RPH3AL: variants seen among roughly 807,000 people sequenced by gnomAD.
RPH3AL encodes the protein rabphilin 3A like (without C2 domains), also known as rab effector Noc2.
In RPH3AL, 38 loss-of-function variants were observed where a neutral mutation model predicts 43.1. That is an observed-to-expected ratio of 0.88 (90% CI 0.68 to 1.15). The LOEUF is 1.15. Ranked by LOEUF, RPH3AL falls within the 50% of genes most tolerant of loss-of-function variation. The pLI, the probability that RPH3AL is intolerant of heterozygous loss-of-function variation, is 0.00. For missense variants in RPH3AL, 462 were observed against 423.2 expected, an observed-to-expected ratio of 1.09 and a Z score of -0.81; for synonymous variants, 189 against 176.3, an observed-to-expected ratio of 1.07 and a Z score of -0.57.
At chr17:314,023 G>C (rs1049766452) in intron 5 of RPH3AL, among the ~76,000 whole-genome samples, 49 of 152,274 alleles carry the variant, frequency 3.2e-4, no homozygotes, top group African/African-American at 1.2e-3. Context: ...GAAACGCCCG[G>C]ACCAGCCCAC....
rs1295622018 is a variant in RPH3AL, at chr17:323,991, A to G, written c.78-2576T>C. ...CAGTCATCCCACAAGGCAGGCCTAG[A>G]CCCTCAGTCACCCTGCAAGGCAGGC... On this transcript the variant is annotated intron_variant, in intron 3 of 9. Coordinates refer to ENST00000331302, the MANE Select transcript of RPH3AL (RefSeq NM_006987.4). The surrounding 1 kb of genome is among the most constrained non-coding windows in gnomAD (Gnocchi z 4.4). Among the ~76,000 whole-genome samples the G allele has an allele frequency of 2.7e-5, 4 of 148,448 alleles. No homozygotes were observed. The highest frequency in any genetic ancestry group is 4.5e-5 in the Non-Finnish European group (3 of 67,410).
In RPH3AL at chr17:215,752, G is replaced by A. The variant is rs2040783690; in HGVS notation, c.778C>T (p.Leu260Phe). The change falls in exon 9 of 10, where the codon CTC becomes TTC. Residue 260 changes from leucine to phenylalanine, a missense_variant. Leu to Phe is a conservative substitution (Grantham distance 22, BLOSUM62 0). Coordinates refer to ENST00000331302, the MANE Select transcript of RPH3AL (RefSeq NM_006987.4). This position sits in a 1 kb window ranked among gnomAD's most constrained non-coding sequence, Gnocchi z 4.1. The stretch of plus-strand genomic sequence containing the variant: ...GCCAGGCTGCTCTGGCACCCAGAGA[G>A]GTGGCCCGGCGGGTGGGTGAACCCC... ...RMGFTHPPGH[L>F]SGCQSSLASG... 1.1e-5 allele frequency: 15 copies of A among 1,308,008 alleles called. No individual in the cohort carries two copies. Among genetic ancestry groups the A allele is most frequent in the Admixed American group, 4.0e-5 (1 of 24,882 alleles). The allele number at this position is 1,308,008 out of a possible 1,614,324, so 81.0% of individuals were successfully genotyped here.
chr17:269,013 G>A (rs1462907297), intron 6 of RPH3AL, among the ~76,000 whole-genome samples: 3 of 152,106 alleles, frequency 2.0e-5, no homozygotes, highest in Non-Finnish European at 2.9e-5. Context: ...CGAGTAGCTG[G>A]GACTACAGGC....
Position 323,805 on chromosome 17 carries a change from C to T in RPH3AL, c.78-2390G>A, listed in dbSNP as rs1393380666. Reference sequence around the variant, plus strand: ...CCTCACAGTCACCCCGAGGCAGGCCCGGACCCTCCATCACCCCGCGAGACA... The same window carrying T: ...CCTCACAGTCACCCCGAGGCAGGCCTGGACCCTCCATCACCCCGCGAGACA... On this transcript the variant is annotated intron_variant, in intron 3 of 9. Transcript: ENST00000331302. This position sits in a 1 kb window ranked among gnomAD's most constrained non-coding sequence, Gnocchi z 4.4. Among the ~76,000 whole-genome samples the T allele has an allele frequency of 2.6e-5, 4 of 151,648 alleles. No individual in the cohort carries two copies. The highest frequency in any genetic ancestry group is 2.1e-4 in the South Asian group (1 of 4,812).
At chr17:216,692 G>C (rs1323928572) in intron 8 of RPH3AL, among the ~76,000 whole-genome samples, 1 of 152,124 alleles carries the variant, frequency 6.6e-6, no homozygotes, top group Non-Finnish European at 1.5e-5. Flanking sequence ...AGAATCTTCA[G>C]CCTGATGGAG....
intron 6 of RPH3AL, among the ~76,000 whole-genome samples, chr17:253,622 C>T (rs980079204): frequency 6.6e-6 from 1 of 152,128 alleles, no homozygotes; most frequent in Non-Finnish European, 1.5e-5. Flanking sequence ...TAAGCAATAG[C>T]TCTCCTCTGC....
rs930752781 is a variant in RPH3AL at position 344,663 on chromosome 17, C to T, written c.-213+8049G>A. Among the ~76,000 whole-genome samples the T allele has an allele frequency of 2.2e-5, 3 of 133,964 alleles. 1 individual carries two copies. Among genetic ancestry groups the T allele is most frequent in the Non-Finnish European group, 5.1e-5 (3 of 58,782 alleles). The allele number at this position is 133,964 out of a possible 152,430, so 87.9% of individuals were successfully genotyped here. A position where few individuals can be genotyped will look rare whatever the true frequency, so the allele number is the denominator to read the frequency against. On this transcript the variant is annotated intron_variant, in intron 1 of 9. Transcript: ENST00000331302. ...GTTACATCATCACCATGTTCACCTCCATCAGTCATCATCACCACCATCACT... is the reference window on the plus strand; with the variant it reads ...GTTACATCATCACCATGTTCACCTCTATCAGTCATCATCACCACCATCACT...
At chr17:267,973 G>T (rs989095835) in intron 6 of RPH3AL, among the ~76,000 whole-genome samples, 1 of 152,130 alleles carries the variant, frequency 6.6e-6, no homozygotes, top group African/African-American at 2.4e-5. Flanking sequence ...AAATAAAATG[G>T]TGCTGGATGT....
chr17:239,949 GT>G (rs2041487954), intron 7 of RPH3AL, among the ~76,000 whole-genome samples: 1 of 152,180 alleles, frequency 6.6e-6, no homozygotes, highest in Non-Finnish European at 1.5e-5. Context: ...ATTAGAAAGA[GT>G]TTTTTGGCCA....
intron 1 of RPH3AL, among the ~76,000 whole-genome samples, chr17:344,143 A>G (rs899963802): frequency 7.6e-6 from 1 of 132,058 alleles, no homozygotes; most frequent in African/African-American, 2.6e-5. Context: ...CATTGTCATC[A>G]TCACCATCAT....
chr17:242,036 G>C (rs950076443), intron 7 of RPH3AL, among the ~76,000 whole-genome samples: 1 of 152,100 alleles, frequency 6.6e-6, no homozygotes, highest in Non-Finnish European at 1.5e-5. Context: ...AGAATTGCTT[G>C]AATCCAAAAG....
Position 328,906 on chromosome 17 carries a change from C to T in RPH3AL, c.-36-1327G>A, listed in dbSNP as rs1243334480. ...TAAAAGACCACGTATTGTATGATTC[C>T]GTTTATACAGTGTGTCCAGAATAAG... On this transcript the variant is annotated intron_variant, in intron 2 of 9. Transcript: ENST00000331302. This position sits in a 1 kb window ranked among gnomAD's most constrained non-coding sequence, Gnocchi z 4.2. Among the ~76,000 whole-genome samples the T allele has an allele frequency of 6.6e-6, 1 of 152,118 alleles. No homozygotes were observed. The highest frequency in any genetic ancestry group is 2.4e-5 in the African/African-American group (1 of 41,414).
At chr17:305,557 G>T (rs953565272) in intron 5 of RPH3AL, among the ~76,000 whole-genome samples, 4 of 152,118 alleles carry the variant, frequency 2.6e-5, no homozygotes, top group Non-Finnish European at 4.4e-5. Flanking sequence ...CACGGCAGGT[G>T]CCCAGCGGTG....
rs1731341084 is a variant in RPH3AL at position 246,841 on chromosome 17, C to T, written c.613+270G>A. On this transcript the variant is annotated intron_variant, in intron 7 of 9. Transcript: ENST00000331302. The surrounding 1 kb of genome is among the most constrained non-coding windows in gnomAD (Gnocchi z 4.8). ...AGATGCGTAGTGCTGCTCATGGCATCCTTGCCCCCAGAGCAGTACTTGTAT... is the reference window on the plus strand; with the variant it reads ...AGATGCGTAGTGCTGCTCATGGCATTCTTGCCCCCAGAGCAGTACTTGTAT... Among the ~76,000 whole-genome samples, 1 of 152,228 alleles carries T rather than the reference C, an allele frequency of 6.6e-6. No homozygotes were observed. Among genetic ancestry groups the T allele is most frequent in the Non-Finnish European group, 1.5e-5 (1 of 68,040 alleles).
intron 6 of RPH3AL, among the ~76,000 whole-genome samples, chr17:269,067 A>G (rs1404259190): frequency 6.6e-6 from 1 of 151,962 alleles, no homozygotes. Context: ...TTTAGTAGAG[A>G]CGGGGTTTCA....
At chr17:244,328 A>G (rs2041691793) in intron 7 of RPH3AL, among the ~76,000 whole-genome samples, 1 of 151,834 alleles carries the variant, frequency 6.6e-6, no homozygotes, top group South Asian at 2.1e-4. Context: ...CATGAGAAAG[A>G]AAATAGGGTG....
chr17:333,811 T>G lies in RPH3AL; in HGVS notation c.-89A>C, dbSNP rs2044865348. 6.2e-6 allele frequency: 1 copy of G among 162,362 alleles called. No individual in the cohort carries two copies. Among genetic ancestry groups the G allele is most frequent in the Admixed American group, 5.7e-5 (1 of 17,552 alleles). The allele number at this position is 162,362 out of a possible 1,614,324, so 10.1% of individuals were successfully genotyped here. A position where few individuals can be genotyped will look rare whatever the true frequency, so the allele number is the denominator to read the frequency against. On this transcript the variant is annotated 5_prime_UTR_variant, in exon 2 of 10. It removes an upstream start codon present in the reference 5' UTR. Transcript: ENST00000331302. The surrounding 1 kb of genome is among the most constrained non-coding windows in gnomAD (Gnocchi z 4.5). Reference sequence around the variant, plus strand: ...TCAAAGCTGTCAGCTGCAGGCCTCATGCTTGCTGTCTCCAAAGTGCACGTA... The same window carrying G: ...TCAAAGCTGTCAGCTGCAGGCCTCAGGCTTGCTGTCTCCAAAGTGCACGTA...
chr17:240,566 C>T (rs1323995889), intron 7 of RPH3AL, among the ~76,000 whole-genome samples: 4 of 152,148 alleles, frequency 2.6e-5, no homozygotes, highest in South Asian at 2.1e-4. Flanking sequence ...CTTTCGTCTC[C>T]GGCTTCTTCC....
Position 213,532 on chromosome 17 carries a change from G to A in RPH3AL, c.*320C>T, listed in dbSNP as rs933873028. The A allele has an allele frequency of 6.4e-6, 3 of 465,992 alleles. No individual in the cohort carries two copies. Among genetic ancestry groups the A allele is most frequent in the African/African-American group, 4.0e-5 (2 of 50,540 alleles). 28.9% of individuals were successfully genotyped at this position (465,992 alleles called of 1,614,324 possible). ...GGCGGCCCCTCTGACACTGCATGTG[G>A]GAAACCCCCCAGCCCAACCCAAGAC... is the stretch of plus-strand genomic sequence containing the variant. On this transcript the variant is annotated 3_prime_UTR_variant, in exon 10 of 10. Coordinates refer to ENST00000331302, the MANE Select transcript of RPH3AL (RefSeq NM_006987.4).
Sources: gnomAD v4.1 joint callset for allele counts (sites outside exome capture counted in the v4.1 genomes callset) on GRCh38, gnomAD v4.1.1 for gene constraint, Gnocchi (gnomAD v3.1) non-coding constraint, MANE v1.5 for transcripts, NCBI Gene and HGNC (gene_info 2026-07-23, HGNC 2026-07-21) for gene names.